CX3CR1: variants seen among roughly 807,000 people sequenced by gnomAD.
CX3CR1 encodes CX3C chemokine receptor 1.
For missense variants in CX3CR1, 363 were observed against 432.4 expected (o/e 0.84, Z 1.42); for synonymous variants, 168 against 178.5 (o/e 0.94, Z 0.47).
rs2040661525 is a variant in CX3CR1, at chr3:39,264,175, CTT to C, written c.*1265_*1266del. On this transcript the variant is annotated 3_prime_UTR_variant, in exon 2 of 2. Transcript: ENST00000399220. ...TGGGTGCCATCGTAAGAACCAGCCT[CTT>C]CTGTGTCTGGGCTATGCCACGCAGC... The C allele has an allele frequency of 6.6e-6, 1 of 152,336 alleles. No individual in the cohort carries two copies. The highest frequency in any genetic ancestry group is 6.5e-5 in the Admixed American group (1 of 15,288). 9.4% of individuals were successfully genotyped at this position (152,336 alleles called of 1,614,324 possible). A position where few individuals can be genotyped will look rare whatever the true frequency, so the allele number is the denominator to read the frequency against.
chr3:39,269,250 A>C (rs2040743993), intron 1 of CX3CR1, among the ~76,000 whole-genome samples: 1 of 152,218 alleles, frequency 6.6e-6, no homozygotes, highest in South Asian at 2.1e-4. Flanking sequence ...TGGAGAAGGA[A>C]GGGAAAGTTA....
At position 39,265,557 on chromosome 3, in the gene CX3CR1, C is replaced by T. The variant is rs1378630350; in HGVS notation, c.953G>A (p.Arg318His). 5.6e-6 allele frequency: 9 copies of T among 1,614,024 alleles called. No individual in the cohort carries two copies. The highest frequency in any genetic ancestry group is 5.0e-5 in the Admixed American group (3 of 60,002). Residue 318 changes from arginine to histidine, a missense_variant, in exon 2 of 2, where the codon CGC becomes CAC. By Grantham distance (29) the Arg-to-His change is conservative. Coordinates refer to ENST00000399220, the MANE Select transcript of CX3CR1 (RefSeq NM_001337.4). ...TGAGGAGAAATCAACGTGGACTGAG[C>T]GCCCACACAGGACAGCCAGGCATTT... ...YGKCLAVLCG[R>H]SVHVDFSSSE...
intron 1 of CX3CR1, 34 bp from the exon 2 acceptor site, chr3:39,266,552 G>A (rs2040703735): frequency 6.2e-7 from 1 of 1,604,064 alleles, no homozygotes; most frequent in East Asian, 2.2e-5. Flanking sequence ...AACTGTGTTA[G>A]TTATCAGAGA....
rs2040833007 is a variant in CX3CR1, at chr3:39,275,731, G to T, written c.-10+4223C>A. On this transcript the variant is annotated intron_variant, in intron 1 of 1. Coordinates refer to ENST00000399220, the MANE Select transcript of CX3CR1 (RefSeq NM_001337.4). The stretch of plus-strand genomic sequence containing the variant: ...AATCTCTGTGTTGAAAGAAGACTTT[G>T]TTAATTATATTTCACCAATACTAGG... 4.6e-5 allele frequency among the ~76,000 whole-genome samples: 7 copies of T among 152,162 alleles called. No individual in the cohort carries two copies. The South Asian group carries it at 1.4e-3, about 32-fold the overall frequency.
chr3:39,292,206 G>C, the CX3CR1 span, among the ~76,000 whole-genome samples: 1 of 152,216 alleles, frequency 6.6e-6, no homozygotes, highest in South Asian at 2.1e-4. Context: ...CAGCCTGAGA[G>C]CTGGGTGTTC....
At chr3:39,266,702 A>G in intron 1 of CX3CR1, 184 bp from the exon 2 acceptor site, 2 of 770,232 alleles carry the variant, frequency 2.6e-6, no homozygotes, top group South Asian at 2.7e-5. Context: ...GAAGACTGCA[A>G]CAGACTCTTC....
At chr3:39,270,774 A>G (rs1050602860) in intron 1 of CX3CR1, among the ~76,000 whole-genome samples, 7 of 152,270 alleles carry the variant, frequency 4.6e-5, no homozygotes, top group Non-Finnish European at 5.9e-5. Flanking sequence ...CCATGTACAC[A>G]TACTACGTAT....
chr3:39,281,053 T>C (rs1188992432), upstream of CX3CR1: 1 of 988,976 alleles, frequency 1.0e-6, no homozygotes, highest in African/African-American at 1.7e-5. Flanking sequence ...CTCTAGTCGC[T>C]GTGGTGTTCC....
chr3:39,280,111 C>G (rs1025120336), upstream of CX3CR1: 11 of 971,248 alleles, frequency 1.1e-5, no homozygotes, highest in Non-Finnish European at 1.3e-5. Flanking sequence ...GGGAGACTAT[C>G]TTTAGATGCT....
chr3:39,275,705 G>A (rs1351773626), intron 1 of CX3CR1, among the ~76,000 whole-genome samples: 1 of 152,194 alleles, frequency 6.6e-6, no homozygotes, highest in Non-Finnish European at 1.5e-5. Context: ...TTTGTGGAGA[G>A]AATCTCTGTG....
At position 39,279,982 on chromosome 3, in the gene CX3CR1, G is replaced by A. The variant is rs2040877945; in HGVS notation, c.-38C>T. On this transcript the variant is annotated 5_prime_UTR_variant, in exon 1 of 2. Coordinates refer to ENST00000399220, the MANE Select transcript of CX3CR1 (RefSeq NM_001337.4). The stretch of plus-strand genomic sequence containing the variant: ...GCGTGGACTGCCAAGGGAACCTCTG[G>A]ATCTGCCAGTCAGCCACCCTGTCCT... 6.1e-6 allele frequency: 6 copies of A among 985,404 alleles called. No homozygotes were observed. Among genetic ancestry groups the A allele is most frequent in the South Asian group, 4.7e-5 (1 of 21,286 alleles). The allele number at this position is 985,404 out of a possible 1,614,324, so 61.0% of individuals were successfully genotyped here.
intron 1 of CX3CR1, among the ~76,000 whole-genome samples, chr3:39,274,216 T>C (rs545453795): frequency 1.5e-4 from 23 of 152,308 alleles, no homozygotes; most frequent in African/African-American, 4.8e-4. Context: ...CAGGTCCTGA[T>C]GGTTTTCTCA....
chr3:39,267,562 T>C lies in CX3CR1; in HGVS notation c.-9-1044A>G, dbSNP rs564317154. On this transcript the variant is annotated intron_variant, in intron 1 of 1. Transcript: ENST00000399220. ...CCTGGTTTTAGCCCTGAAAGTCCCA[T>C]CTATTGGGAACCCCTCAGTCCCAGG... Among the ~76,000 whole-genome samples the C allele has an allele frequency of 4.6e-5, 7 of 152,286 alleles. No individual in the cohort carries two copies. In the East Asian group the frequency reaches 1.4e-3, roughly 29 times the overall value.
chr3:39,265,364 C>T lies in CX3CR1; in HGVS notation c.*78G>A. 3 of 1,453,960 alleles carry T rather than the reference C, an allele frequency of 2.1e-6. No individual in the cohort carries two copies. The South Asian group carries it at 4.2e-5, about 20-fold the overall frequency. 90.1% of individuals were successfully genotyped at this position (1,453,960 alleles called of 1,614,324 possible). A position where few individuals can be genotyped will look rare whatever the true frequency, so the allele number is the denominator to read the frequency against. On this transcript the variant is annotated 3_prime_UTR_variant, in exon 2 of 2. Transcript: ENST00000399220. ...ATTTTGTGCCTGTAAGAAATAACAA[C>T]AAAAATCTTTCCTCACTAGTCAGCA... is the stretch of plus-strand genomic sequence containing the variant.
intron 1 of CX3CR1, among the ~76,000 whole-genome samples, chr3:39,279,298 A>G (rs548644403): frequency 2.6e-5 from 4 of 152,268 alleles, no homozygotes; most frequent in African/African-American, 9.6e-5. Flanking sequence ...AATCAACCAC[A>G]GTAATCTTTT....
chr3:39,278,077 C>T (rs1044905181), intron 1 of CX3CR1, among the ~76,000 whole-genome samples: 4 of 152,144 alleles, frequency 2.6e-5, no homozygotes, highest in African/African-American at 4.8e-5. Context: ...AAGTGCAGAG[C>T]CAGGACTTCA....
chr3:39,280,426 C>T (rs1202646812), upstream of CX3CR1: 1 of 985,400 alleles, frequency 1.0e-6, no homozygotes, highest in Non-Finnish European at 1.2e-6. Context: ...ACACACAGCT[C>T]TTCTCCTCAA....
intron 1 of CX3CR1, among the ~76,000 whole-genome samples, chr3:39,278,553 C>A (rs2040863603): frequency 7.9e-6 from 1 of 126,552 alleles, no homozygotes; most frequent in Non-Finnish European, 1.7e-5. Context: ...AGCTTTCTTG[C>A]CTGCTTTCAC....
At chr3:39,277,527 A>G (rs2040853102) in intron 1 of CX3CR1, among the ~76,000 whole-genome samples, 1 of 152,202 alleles carries the variant, frequency 6.6e-6, no homozygotes, top group African/African-American at 2.4e-5. Context: ...CAGCTCCTCC[A>G]TTACAGGTGC....
Sources: gnomAD v4.1 joint callset for allele counts (sites outside exome capture counted in the v4.1 genomes callset) on GRCh38, gnomAD v4.1.1 for gene constraint, MANE v1.5 for transcripts, NCBI Gene and HGNC (gene_info 2026-07-23, HGNC 2026-07-21) for gene names.